The following DIP2A variants were observed in gnomAD, a reference collection of about 807,000 sequenced individuals.
DIP2A encodes DIP2 acetate--CoA ligase A.
Under a neutral mutation model 177.4 loss-of-function variants are expected in DIP2A, and 85 were observed. That is an observed-to-expected ratio of 0.48 (90% CI 0.40 to 0.57). The LOEUF (loss-of-function observed/expected upper bound fraction) is 0.57. Ranked by LOEUF, DIP2A falls within the 20% of genes least tolerant of loss-of-function variation. DIP2A has a pLI of 0.00. For missense variants in DIP2A, 1,791 were observed against 2,100.2 expected (o/e 0.85, Z 2.88); for synonymous variants, 886 against 881.8 (o/e 1.00, Z -0.08).
At chr21:46,520,693 C>G (rs557259155) in intron 8 of DIP2A, among the ~76,000 whole-genome samples, 2 of 152,210 alleles carry the variant, frequency 1.3e-5, no homozygotes, top group Non-Finnish European at 2.9e-5. Context: ...ACTTCTGTGA[C>G]ATGGAACAAT....
intron 7 of DIP2A, 31 bp downstream of exon 7, chr21:46,509,407 T>C: frequency 6.3e-7 from 1 of 1,589,198 alleles, no homozygotes; most frequent in Non-Finnish European, 8.6e-7. Context: ...AGCTTTTCTG[T>C]TTGTATGAAA....
chr21:46,528,614 C>T lies in DIP2A; in HGVS notation c.1103-478C>T, dbSNP rs1386235311. ...AGGCTGGCTCTCACTGCAACCTCCACCTTCCAGGTTCAAGCAATTCTCATG... is the reference window on the plus strand; with the variant it reads ...AGGCTGGCTCTCACTGCAACCTCCATCTTCCAGGTTCAAGCAATTCTCATG... On this transcript the variant is annotated intron_variant, in intron 8 of 37. Transcript: ENST00000417564. Among the ~76,000 whole-genome samples the T allele has an allele frequency of 3.8e-5, 5 of 132,630 alleles. No individual in the cohort carries two copies. In the Admixed American group the frequency reaches 4.3e-4, roughly 12 times the overall value. The allele number at this position is 132,630 out of a possible 152,430, so 87.0% of individuals were successfully genotyped here. A position where few individuals can be genotyped will look rare whatever the true frequency, so the allele number is the denominator to read the frequency against.
chr21:46,524,962 C>A (rs1419416105), intron 8 of DIP2A, among the ~76,000 whole-genome samples: 1 of 134,984 alleles, frequency 7.4e-6, no homozygotes, highest in Non-Finnish European at 1.5e-5. Context: ...TCTTGGCTCA[C>A]TGCAGCCTCT....
At chr21:46,570,700 A>C (rs1601883625), downstream of DIP2A, among the ~76,000 whole-genome samples, 1 of 152,364 alleles carries the variant, frequency 6.6e-6, no homozygotes, top group South Asian at 2.1e-4. Flanking sequence ...TGGGGAGTAC[A>C]TGGCAGAGAA....
chr21:46,514,628 T>G (rs1182519822), intron 8 of DIP2A, among the ~76,000 whole-genome samples: 10 of 139,920 alleles, frequency 7.1e-5, no homozygotes, highest in South Asian at 2.3e-4. Flanking sequence ...TTTTTTTTTT[T>G]TTTTTTTTTT....
chr21:46,577,559 T>C, the DIP2A span, among the ~76,000 whole-genome samples: 2 of 152,210 alleles, frequency 1.3e-5, no homozygotes, highest in Non-Finnish European at 2.9e-5. Context: ...TGAAGTCCAA[T>C]AGCATGATGC....
At chr21:46,517,268 G>A (rs938497603) in intron 8 of DIP2A, among the ~76,000 whole-genome samples, 10 of 151,520 alleles carry the variant, frequency 6.6e-5, no homozygotes, top group Admixed American at 6.6e-5. Flanking sequence ...TTATAGAGAT[G>A]GGGTTTCACT....
At position 46,459,027 on chromosome 21, in the gene DIP2A, G is replaced by A. The variant is rs1249583206; in HGVS notation, c.-105G>A. ...GCCGCCTCCCGCTCCTCGCCTGGCG[G>A]ATGTAGGTTGTTGGCCTGAGGGGAG... On this transcript the variant is annotated 5_prime_UTR_variant, in exon 1 of 38. Coordinates refer to ENST00000417564, the MANE Select transcript of DIP2A (RefSeq NM_015151.4). The A allele has an allele frequency of 5.3e-6, 5 of 945,374 alleles. No homozygotes were observed. Among genetic ancestry groups the A allele is most frequent in the Non-Finnish European group, 7.3e-6 (5 of 688,418 alleles). The allele number at this position is 945,374 out of a possible 1,614,324, so 58.6% of individuals were successfully genotyped here.
intron 5 of DIP2A, among the ~76,000 whole-genome samples, chr21:46,499,216 CT>C (rs768122835): frequency 1.3e-5 from 2 of 152,154 alleles, no homozygotes; most frequent in East Asian, 3.8e-4. Flanking sequence ...GTTGATACTT[CT>C]TTAATTTGGC....
chr21:46,477,543 T>TTGTGTGTGTGTGTGTGTGTGTGTG lies in DIP2A; in HGVS notation c.92-7212_92-7189dup, dbSNP rs1555874551. ...CTCCGCCTAAAATAAAAAAAAAGATTTGTGTGTGTGTGTGTGTGTGTGTGT... is the reference window on the plus strand; with the variant it reads ...CTCCGCCTAAAATAAAAAAAAAGATTTGTGTGTGTGTGTGTGTGTGTGTGTGTGTGTGTGTGTGTGTGTGTGTGT... On this transcript the variant is annotated intron_variant, in intron 1 of 37. Coordinates refer to ENST00000417564, the MANE Select transcript of DIP2A (RefSeq NM_015151.4). Among the ~76,000 whole-genome samples, 420 of 87,098 alleles carry TTGTGTGTGTGTGTGTGTGTGTGTG rather than the reference T, an allele frequency of 4.8e-3. 11 individuals carry two copies. The highest frequency in any genetic ancestry group is 0.015 in the African/African-American group (351 of 23,222). The allele number at this position is 87,098 out of a possible 152,430, so 57.1% of individuals were successfully genotyped here. A position where few individuals can be genotyped will look rare whatever the true frequency, so the allele number is the denominator to read the frequency against.
chr21:46,535,138 C>T, intron 13 of DIP2A, among the ~76,000 whole-genome samples: 1 of 152,150 alleles, frequency 6.6e-6, no homozygotes, highest in Non-Finnish European at 1.5e-5. Flanking sequence ...GTAGTTTTGA[C>T]CTCAGCTGTC....
intron 1 of DIP2A, among the ~76,000 whole-genome samples, chr21:46,469,562 G>A (rs923414631): frequency 3.3e-5 from 5 of 152,088 alleles, no homozygotes; most frequent in Admixed American, 3.3e-4. Context: ...GGCCCATGAG[G>A]GCATAATCCA....
Position 46,541,800 on chromosome 21 carries a change from C to T in DIP2A, c.2081C>T (p.Ser694Leu), listed in dbSNP as rs898272096. The change falls in exon 18 of 38, where the codon TCG (serine) becomes TTG (leucine). Residue 694 changes from serine (S) to leucine (L), a missense_variant. By Grantham distance (145) the Ser-to-Leu change is moderately radical. Transcript: ENST00000417564. ...GGPPPRKAVLSMNGLSYGVIR... is the reference protein window; with the variant it reads ...GGPPPRKAVLLMNGLSYGVIR... ...CCACCTCCAAGAAAAGCAGTCCTGTCGATGAACGGTCTAAGTTATGGTGTT... is the reference window on the plus strand; with the variant it reads ...CCACCTCCAAGAAAAGCAGTCCTGTTGATGAACGGTCTAAGTTATGGTGTT... 11 of 1,613,894 alleles carry T rather than the reference C, an allele frequency of 6.8e-6. No individual in the cohort carries two copies. Among genetic ancestry groups the T allele is most frequent in the South Asian group, 1.1e-5 (1 of 91,072 alleles).
chr21:46,558,088 A>C, intron 31 of DIP2A, 135 bp from the exon 32 acceptor site: 1 of 936,284 alleles, frequency 1.1e-6, no homozygotes, highest in Non-Finnish European at 1.6e-6. Context: ...TGTGGAACAG[A>C]CACAGCCTGC....
chr21:46,552,490 C>T (rs1436705080), intron 25 of DIP2A, among the ~76,000 whole-genome samples: 1 of 152,160 alleles, frequency 6.6e-6, no homozygotes, highest in Non-Finnish European at 1.5e-5. Context: ...AATGCGGAAA[C>T]ACAGAAAGTT....
intron 12 of DIP2A, 110 bp downstream of exon 12, chr21:46,534,223 G>A (rs1319759987): frequency 2.3e-6 from 2 of 873,388 alleles, no homozygotes; most frequent in East Asian, 5.3e-5. Context: ...TTCGGCCTAA[G>A]AGTTCTTGTT....
At chr21:46,479,169 G>A (rs1428717304) in intron 1 of DIP2A, among the ~76,000 whole-genome samples, 2 of 152,206 alleles carry the variant, frequency 1.3e-5, no homozygotes, top group Admixed American at 6.5e-5. Context: ...GCCTCTCTGA[G>A]TCTGTCCAAG....
At chr21:46,466,364 T>C (rs2054832996) in intron 1 of DIP2A, among the ~76,000 whole-genome samples, 1 of 147,552 alleles carries the variant, frequency 6.8e-6, no homozygotes, top group Non-Finnish European at 1.5e-5. Flanking sequence ...TTTTTTTTTT[T>C]TTGAGATGGA....
chr21:46,490,655 G>T lies in DIP2A; in HGVS notation c.219G>T (p.Thr73=). The T allele has an allele frequency of 6.3e-7, 1 of 1,589,574 alleles. No homozygotes were observed. Among genetic ancestry groups the T allele is most frequent in the African/African-American group, 1.3e-5 (1 of 74,588 alleles). ...GAATTCCTGGGCCCTCACAAACCAC[G>T]GCCGCTGCACCCAAGCAGCAGAAGT... The part of the protein sequence containing the change: ...ENRIPGPSQT[T]AAAPKQQKSR... Residue 73 remains threonine (T), a synonymous_variant, in exon 3 of 38, where the codon ACG becomes ACT. Transcript: ENST00000417564.
Sources: allele counts gnomAD v4.1 joint callset (sites outside exome capture counted in the v4.1 genomes callset), GRCh38; gene constraint gnomAD v4.1.1; transcripts MANE v1.5; gene names NCBI Gene and HGNC (gene_info 2026-07-23, HGNC 2026-07-21).